PLCXD3: variants seen among roughly 807,000 people sequenced by gnomAD.
The protein encoded by PLCXD3 is PI-PLC X domain-containing protein 3.
Under a neutral mutation model 25.5 loss-of-function variants are expected in PLCXD3, and 19 were observed. The observed-to-expected ratio is 0.75, with a 90% CI of 0.52 to 1.09. The LOEUF (loss-of-function observed/expected upper bound fraction) is 1.09. Among genes scored for constraint, PLCXD3 ranks in the 50% least tolerant of loss-of-function variants. PLCXD3 has a pLI of 0.00. For synonymous variants in PLCXD3, 174 were observed against 137.6 expected, an observed-to-expected ratio of 1.26 and a Z score of -1.85; for missense variants, 411 against 388.1, an observed-to-expected ratio of 1.06 and a Z score of -0.50.
intron 1 of PLCXD3, among the ~76,000 whole-genome samples, chr5:41,473,359 T>C (rs1324146185): frequency 2.0e-5 from 3 of 152,178 alleles, no homozygotes; most frequent in African/African-American, 7.2e-5. Context: ...GTATATCCTT[T>C]CTTGGTGCCA....
intron 2 of PLCXD3, among the ~76,000 whole-genome samples, chr5:41,339,489 A>T (rs1744077800): frequency 6.6e-6 from 1 of 151,982 alleles, no homozygotes; most frequent in Admixed American, 6.6e-5. Context: ...GACGTATGTG[A>T]ATAGTTGGTC....
At chr5:41,460,303 T>C (rs1000233778) in intron 1 of PLCXD3, among the ~76,000 whole-genome samples, 1 of 151,950 alleles carries the variant, frequency 6.6e-6, no homozygotes, top group African/African-American at 2.4e-5. Context: ...TTGATCCTGT[T>C]GAACTGTACA....
intron 2 of PLCXD3, among the ~76,000 whole-genome samples, chr5:41,336,667 A>G (rs1743989454): frequency 6.6e-6 from 1 of 152,172 alleles, no homozygotes; most frequent in African/African-American, 2.4e-5. Flanking sequence ...GCCCTCGGCA[A>G]AAGAAAGCCA....
At chr5:41,414,116 CA>C (rs1370717773) in intron 1 of PLCXD3, among the ~76,000 whole-genome samples, 1 of 152,174 alleles carries the variant, frequency 6.6e-6, no homozygotes, top group African/African-American at 2.4e-5. Flanking sequence ...TACTATAGCC[CA>C]GTGAAACTGA....
intron 1 of PLCXD3, among the ~76,000 whole-genome samples, chr5:41,509,855 GGGC>G (rs1364320884): frequency 6.6e-6 from 1 of 152,194 alleles, no homozygotes; most frequent in Non-Finnish European, 1.5e-5. Context: ...TCCTTTTCAA[GGGC>G]AGCTATCACG....
chr5:41,428,744 C>T (rs1375391833), intron 1 of PLCXD3, among the ~76,000 whole-genome samples: 1 of 152,100 alleles, frequency 6.6e-6, no homozygotes. Flanking sequence ...CTTCATCTTC[C>T]CTATTTCCAC....
chr5:41,416,657 C>A (rs1159881350), intron 1 of PLCXD3, among the ~76,000 whole-genome samples: 1 of 152,152 alleles, frequency 6.6e-6, no homozygotes, highest in African/African-American at 2.4e-5. Context: ...AGGACCAGAG[C>A]CAAAGATAGA....
At chr5:41,359,909 A>G (rs1744726357) in intron 2 of PLCXD3, among the ~76,000 whole-genome samples, 1 of 152,250 alleles carries the variant, frequency 6.6e-6, no homozygotes, top group African/African-American at 2.4e-5. Context: ...AGTTTTCCTC[A>G]ATTATTTCCT....
chr5:41,317,600 C>T (rs1465257677), intron 2 of PLCXD3, among the ~76,000 whole-genome samples: 1 of 151,988 alleles, frequency 6.6e-6, no homozygotes, highest in African/African-American at 2.4e-5. Context: ...GTTAAGGAAA[C>T]TCAAATAGGT....
rs200889368 is a variant in PLCXD3 at position 41,439,024 on chromosome 5, GC to G, written c.104-56491del. On this transcript the variant is annotated intron_variant, in intron 1 of 2. Transcript: ENST00000377801. The stretch of plus-strand genomic sequence containing the variant: ...AGAGCCCCGGTCTTTAGCAATCTAA[GC>G]AAGTGAAAACAAACAAACACTGTCG... Among the ~76,000 whole-genome samples the G allele has an allele frequency of 1.8e-4, 28 of 152,292 alleles. No individual in the cohort carries two copies. The East Asian group carries it at 5.0e-3, about 27-fold the overall frequency.
intron 1 of PLCXD3, among the ~76,000 whole-genome samples, chr5:41,384,926 G>A (rs766010079): frequency 6.6e-6 from 1 of 151,980 alleles, no homozygotes; most frequent in Non-Finnish European, 1.5e-5. Context: ...GTATAAAATG[G>A]TGCTTCACAC....
In PLCXD3 at chr5:41,335,523, G is replaced by A. The variant is rs550372024; in HGVS notation, c.813-21753C>T. On this transcript the variant is annotated intron_variant, in intron 2 of 2. Coordinates refer to ENST00000377801, the MANE Select transcript of PLCXD3 (RefSeq NM_001005473.3). ...CCTACTGCTGATTGGAAGTTCTAGC[G>A]TATTCTGTGTGTCTTTAATTTTAGC... Among the ~76,000 whole-genome samples the A allele has an allele frequency of 6.6e-5, 10 of 152,178 alleles. 1 individual carries two copies. The highest frequency in any genetic ancestry group is 2.2e-4 in the African/African-American group (9 of 41,536).
intron 2 of PLCXD3, among the ~76,000 whole-genome samples, chr5:41,350,555 T>C (rs1027059870): frequency 2.6e-5 from 4 of 152,182 alleles, no homozygotes; most frequent in African/African-American, 7.2e-5. Context: ...ATGGAATAAT[T>C]GGGTAATTAG....
At chr5:41,329,890 A>C (rs1743741636) in intron 2 of PLCXD3, among the ~76,000 whole-genome samples, 2 of 150,844 alleles carry the variant, frequency 1.3e-5, no homozygotes, top group African/African-American at 4.8e-5. Context: ...TGTATTATAA[A>C]TCCATGTCAA....
At chr5:41,379,568 G>T (rs942714975) in intron 2 of PLCXD3, among the ~76,000 whole-genome samples, 1 of 152,050 alleles carries the variant, frequency 6.6e-6, no homozygotes, top group Non-Finnish European at 1.5e-5. Flanking sequence ...TAAAGGAGAA[G>T]ATTCAGTCAG....
intron 1 of PLCXD3, among the ~76,000 whole-genome samples, chr5:41,455,303 C>T (rs1747728028): frequency 6.6e-6 from 1 of 151,938 alleles, no homozygotes. Flanking sequence ...AAACTCATAA[C>T]TGAGGATAAT....
chr5:41,486,050 G>A (rs2150524009), intron 1 of PLCXD3, among the ~76,000 whole-genome samples: 1 of 152,222 alleles, frequency 6.6e-6, no homozygotes, highest in African/African-American at 2.4e-5. Context: ...AGGAGCCTGG[G>A]CAGGAAGAAT....
At chr5:41,503,231 T>C (rs1449625323) in intron 1 of PLCXD3, among the ~76,000 whole-genome samples, 3 of 152,180 alleles carry the variant, frequency 2.0e-5, no homozygotes, top group Non-Finnish European at 4.4e-5. Context: ...AGGAAATTAA[T>C]ATGACCATTT....
chr5:41,473,680 TCTC>T (rs1306244427), intron 1 of PLCXD3, among the ~76,000 whole-genome samples: 5 of 152,048 alleles, frequency 3.3e-5, no homozygotes, highest in African/African-American at 1.2e-4. Context: ...ATGGTCTTGA[TCTC>T]CTGACCTCGT....
Sources: gnomAD v4.1 joint callset for allele counts (sites outside exome capture counted in the v4.1 genomes callset) on GRCh38, gnomAD v4.1.1 for gene constraint, MANE v1.5 for transcripts, NCBI Gene and HGNC (gene_info 2026-07-23, HGNC 2026-07-21) for gene names.